DYM: variants seen among roughly 807,000 people sequenced by gnomAD.
DYM encodes the protein dymeclin.
A neutral mutation model predicts 93.1 loss-of-function variants in DYM; 78 were observed. That is an observed-to-expected ratio of 0.84 (90% CI 0.70 to 1.01). The LOEUF (loss-of-function observed/expected upper bound fraction) is 1.01. DYM is among the 50% of genes least tolerant of loss of function. DYM has a pLI of 0.00. For missense variants in DYM, 789 were observed against 845.0 expected (o/e 0.93, Z 0.82); for synonymous variants, 321 against 319.7 (o/e 1.00, Z -0.04).
At position 49,299,871 on chromosome 18, in the gene DYM, G is replaced by A. The variant is rs894904075; in HGVS notation, c.764-13255C>T. On this transcript the variant is annotated intron_variant, in intron 8 of 17. Transcript: ENST00000675505. ...ATCCTGGCTAACACGGTGAAACCCC[G>A]TCTCTACTGAAAATACAAAAAATTA... Among the ~76,000 whole-genome samples the A allele has an allele frequency of 4.0e-5, 6 of 151,238 alleles. No homozygotes were observed. The South Asian group carries it at 8.3e-4, about 21-fold the overall frequency.
intron 17 of DYM, among the ~76,000 whole-genome samples, chr18:49,064,843 C>T (rs537746098): frequency 1.3e-5 from 2 of 150,850 alleles, no homozygotes; most frequent in Non-Finnish European, 2.9e-5. Context: ...CTTTCAAATA[C>T]TGTTTTGGAA....
chr18:49,144,866 G>A (rs1313056448), intron 15 of DYM, among the ~76,000 whole-genome samples: 1 of 151,788 alleles, frequency 6.6e-6, no homozygotes, highest in Non-Finnish European at 1.5e-5. Context: ...GGAGGCTAGA[G>A]CAGGAGGACT....
intron 15 of DYM, among the ~76,000 whole-genome samples, chr18:49,162,640 T>C (rs1010409542): frequency 6.6e-6 from 1 of 152,224 alleles, no homozygotes; most frequent in Non-Finnish European, 1.5e-5. Flanking sequence ...CCGTAGCAGT[T>C]GGTAATAAAC....
intron 14 of DYM, among the ~76,000 whole-genome samples, chr18:49,208,182 C>CAAA (rs138264681): frequency 0.049 from 2,805 of 57,820 alleles, 59 homozygotes; most frequent in Non-Finnish European, 0.074. Flanking sequence ...GACTCCATCT[C>CAAA]AAAAAAAAAA....
At chr18:49,435,471 A>C (rs896683840) in intron 1 of DYM, among the ~76,000 whole-genome samples, 1 of 151,680 alleles carries the variant, frequency 6.6e-6, no homozygotes, top group South Asian at 2.1e-4. Context: ...GAAAAGAGAA[A>C]TCTAATCTCA....
chr18:49,070,130 A>G (rs1394037043), intron 17 of DYM, among the ~76,000 whole-genome samples: 1 of 152,224 alleles, frequency 6.6e-6, no homozygotes, highest in Non-Finnish European at 1.5e-5. Context: ...GTACAAGACA[A>G]GAGCTCCGAG....
chr18:49,370,293 A>AC (rs1042055428), intron 5 of DYM, among the ~76,000 whole-genome samples: 8 of 146,224 alleles, frequency 5.5e-5, no homozygotes, highest in Admixed American at 1.4e-4. Context: ...AAAAAAAAAA[A>AC]AAAAAACAAA....
chr18:49,194,916 G>C (rs2091305557), intron 14 of DYM, among the ~76,000 whole-genome samples: 1 of 151,992 alleles, frequency 6.6e-6, no homozygotes, highest in Non-Finnish European at 1.5e-5. Flanking sequence ...GCAGTCATTA[G>C]CCTCCATAAT....
intron 14 of DYM, among the ~76,000 whole-genome samples, chr18:49,181,016 T>C (rs1005592096): frequency 2.0e-5 from 3 of 152,044 alleles, no homozygotes; most frequent in African/African-American, 7.2e-5. Context: ...CAAAAAAAAC[T>C]GTGCAAACCA....
chr18:49,453,480 G>A (rs544515644), intron 1 of DYM, among the ~76,000 whole-genome samples: 69 of 152,198 alleles, frequency 4.5e-4, no homozygotes, highest in African/African-American at 1.4e-3. Flanking sequence ...TGAAGCCAGC[G>A]AGAGCACGAA....
intron 8 of DYM, among the ~76,000 whole-genome samples, chr18:49,310,514 A>G (rs2061526852): frequency 6.6e-6 from 1 of 152,202 alleles, no homozygotes; most frequent in African/African-American, 2.4e-5. Flanking sequence ...GAAAGAGTGT[A>G]TATGTATGTA....
chr18:49,166,008 A>G (rs2087813764), intron 14 of DYM, among the ~76,000 whole-genome samples: 1 of 6,446 alleles, frequency 1.6e-4, no homozygotes, highest in South Asian at 0.012. Context: ...AATTCAGTAC[A>G]TAAGAGCACA....
At chr18:49,318,424 C>A (rs2062178161) in intron 8 of DYM, among the ~76,000 whole-genome samples, 1 of 151,924 alleles carries the variant, frequency 6.6e-6, no homozygotes, top group Non-Finnish European at 1.5e-5. Context: ...TCAAGATAAT[C>A]CTGGCCAAAA....
intron 8 of DYM, among the ~76,000 whole-genome samples, chr18:49,297,090 T>C (rs1477325019): frequency 6.6e-6 from 1 of 152,230 alleles, no homozygotes; most frequent in Non-Finnish European, 1.5e-5. Flanking sequence ...AAGGATGTTA[T>C]CTTCAAAGTT....
chr18:49,434,704 G>A (rs1044009575), intron 1 of DYM, among the ~76,000 whole-genome samples: 35 of 151,804 alleles, frequency 2.3e-4, no homozygotes, highest in Admixed American at 2.0e-3. Flanking sequence ...AGTGGATCAC[G>A]CCTGTAATCA....
At chr18:49,090,863 A>G (rs922563380) in intron 17 of DYM, among the ~76,000 whole-genome samples, 1 of 152,244 alleles carries the variant, frequency 6.6e-6, no homozygotes, top group Non-Finnish European at 1.5e-5. Context: ...AGTTAGGCCA[A>G]TTTACATAGG....
intron 14 of DYM, among the ~76,000 whole-genome samples, chr18:49,201,521 A>C (rs79833149): frequency 0.079 from 12,039 of 152,252 alleles, 749 homozygotes; most frequent in East Asian, 0.29. Flanking sequence ...ATGGGCTACC[A>C]AAATCATACA....
intron 2 of DYM, 59 bp downstream of exon 2, chr18:49,430,196 T>A: frequency 6.5e-7 from 1 of 1,542,860 alleles, no homozygotes; most frequent in Non-Finnish European, 8.9e-7. Flanking sequence ...TTAATCAGCA[T>A]ACCACACAAG....
intron 3 of DYM, among the ~76,000 whole-genome samples, chr18:49,385,454 G>T (rs577436465): frequency 1.3e-5 from 2 of 152,264 alleles, no homozygotes; most frequent in African/African-American, 4.8e-5. Context: ...CCAGCACTTC[G>T]AAGGCCAAGG....
Sources: allele counts gnomAD v4.1 joint callset (sites outside exome capture counted in the v4.1 genomes callset), GRCh38; gene constraint gnomAD v4.1.1; transcripts MANE v1.5; gene names NCBI Gene and HGNC (gene_info 2026-07-23, HGNC 2026-07-21).